PDE1C: variants seen among roughly 807,000 people sequenced by gnomAD.
PDE1C encodes the protein dual specificity calcium/calmodulin-dependent 3',5'-cyclic nucleotide phosphodiesterase 1C.
PDE1C carries 62 observed loss-of-function variants against 93.1 expected under a neutral mutation model. That is an observed-to-expected ratio of 0.67 (90% CI 0.54 to 0.82). The LOEUF is 0.82. Among genes scored for constraint, PDE1C ranks in the 40% least tolerant of loss-of-function variants. The pLI is 0.00. For synonymous variants in PDE1C, 325 were observed against 310.1 expected (o/e 1.05, Z -0.50); for missense variants, 742 against 884.6 (o/e 0.84, Z 2.04).
intron 1 of PDE1C, among the ~76,000 whole-genome samples, chr7:32,218,976 C>A (rs1430770711): frequency 6.6e-6 from 1 of 152,214 alleles, no homozygotes; most frequent in Non-Finnish European, 1.5e-5. Flanking sequence ...AGGAATCCAG[C>A]TGAGACCCAA....
chr7:31,774,898 A>G (rs1044160583), intron 17 of PDE1C, among the ~76,000 whole-genome samples: 1 of 152,078 alleles, frequency 6.6e-6, no homozygotes, highest in Admixed American at 6.5e-5. Context: ...CATTTTTTAA[A>G]TTTTCTTCAA....
exon 2 of PDE1C, chr7:32,209,505 T>G: frequency 1.3e-6 from 2 of 1,573,852 alleles, no homozygotes; most frequent in Non-Finnish European, 1.7e-6. Context: ...AGCGGGCCAG[T>G]GGTCTGGCAT....
chr7:32,003,268 T>C (rs1178870301), intron 2 of PDE1C, among the ~76,000 whole-genome samples: 1 of 152,206 alleles, frequency 6.6e-6, no homozygotes, highest in Non-Finnish European at 1.5e-5. Flanking sequence ...CATAAAGGAA[T>C]TGACAAGGGA....
At chr7:31,666,772 TCA>T in the PDE1C span, among the ~76,000 whole-genome samples, 2 of 151,990 alleles carry the variant, frequency 1.3e-5, no homozygotes, top group African/African-American at 2.4e-5. Flanking sequence ...TTGTCAATAC[TCA>T]GTTTTAAATC....
At chr7:32,088,139 G>C (rs1797233550) in intron 3 of PDE1C, among the ~76,000 whole-genome samples, 1 of 151,816 alleles carries the variant, frequency 6.6e-6, no homozygotes, top group Non-Finnish European at 1.5e-5. Context: ...CACCATTACT[G>C]TCTCGCACTG....
At chr7:32,128,922 TATATA>T (rs1799749114) in intron 3 of PDE1C, among the ~76,000 whole-genome samples, 1 of 86,436 alleles carries the variant, frequency 1.2e-5, no homozygotes, top group African/African-American at 6.1e-5. Context: ...TATATATATA[TATATA>T]TATATATATA....
At chr7:31,710,726 G>A in the PDE1C span, among the ~76,000 whole-genome samples, 3 of 152,216 alleles carry the variant, frequency 2.0e-5, no homozygotes, top group Admixed American at 6.5e-5. Flanking sequence ...GTGTGAAAGT[G>A]TTACTCAAAA....
chr7:32,115,102 TCCCATTACTGGGTATATA>T (rs1434025776), intron 3 of PDE1C, among the ~76,000 whole-genome samples: 2 of 152,268 alleles, frequency 1.3e-5, no homozygotes, highest in East Asian at 3.9e-4. Flanking sequence ...GACCCAGCAA[TCCCATTACTGGGTATATA>T]CCTAAAGGAA....
At chr7:31,817,223 T>C (rs1392869532) in intron 14 of PDE1C, among the ~76,000 whole-genome samples, 1 of 152,134 alleles carries the variant, frequency 6.6e-6, no homozygotes, top group Non-Finnish European at 1.5e-5. Context: ...GAAGGCCTCC[T>C]TGACAAGGTG....
intron 2 of PDE1C, among the ~76,000 whole-genome samples, chr7:31,916,095 G>A (rs1242458220): frequency 6.6e-6 from 1 of 152,166 alleles, no homozygotes; most frequent in Non-Finnish European, 1.5e-5. Context: ...CAGAGGAGAA[G>A]TGTGAGGGAA....
At chr7:31,938,882 C>A (rs1805437071) in intron 2 of PDE1C, among the ~76,000 whole-genome samples, 1 of 152,114 alleles carries the variant, frequency 6.6e-6, no homozygotes, top group African/African-American at 2.4e-5. Flanking sequence ...CAAATTGTAT[C>A]TTTTTAACCT....
chr7:32,085,538 G>A (rs1388029381), intron 3 of PDE1C, among the ~76,000 whole-genome samples: 3 of 148,556 alleles, frequency 2.0e-5, no homozygotes, highest in Non-Finnish European at 4.5e-5. Context: ...AAGCCAGTCA[G>A]AGACACAACC....
chr7:31,958,565 T>C (rs1808476126), intron 2 of PDE1C, among the ~76,000 whole-genome samples: 1 of 152,204 alleles, frequency 6.6e-6, no homozygotes, highest in Non-Finnish European at 1.5e-5. Context: ...AAAAACTGCC[T>C]ACCACAGTGC....
At chr7:31,825,133 A>G in intron 12 of PDE1C, 146 bp from the exon 13 acceptor site, 1 of 1,038,744 alleles carries the variant, frequency 9.6e-7, no homozygotes, top group South Asian at 1.7e-5. Flanking sequence ...CTTGATTTGA[A>G]TATTACATGT....
chr7:31,699,892 G>A, the PDE1C span, among the ~76,000 whole-genome samples: 1 of 151,828 alleles, frequency 6.6e-6, no homozygotes, highest in Admixed American at 6.6e-5. Flanking sequence ...GCCCATATAA[G>A]ACTGTTAACT....
intron 1 of PDE1C, among the ~76,000 whole-genome samples, chr7:32,228,549 C>T (rs752105806): frequency 5.3e-5 from 8 of 152,148 alleles, no homozygotes; most frequent in Non-Finnish European, 1.0e-4. Context: ...GAATTGACAC[C>T]AGAGCTGGTG....
In PDE1C at chr7:32,370,427, C is replaced by T. The variant is rs918094318; in HGVS notation, c.310+57395G>A. ...TCGCACCACGGCACTCCAGCCTGGGCGACAGAGTGAGACTCCTCTCAAAAA... is the reference window on the plus strand; with the variant it reads ...TCGCACCACGGCACTCCAGCCTGGGTGACAGAGTGAGACTCCTCTCAAAAA... On this transcript the variant is annotated intron_variant, in intron 1 of 1. Coordinates refer to the PDE1C transcript ENST00000672256. 2.9e-4 allele frequency among the ~76,000 whole-genome samples: 39 copies of T among 135,930 alleles called. 1 individual carries two copies. The highest frequency in any genetic ancestry group is 8.5e-4 in the African/African-American group (30 of 35,452). 89.2% of individuals were successfully genotyped at this position (135,930 alleles called of 152,430 possible). A position where few individuals can be genotyped will look rare whatever the true frequency, so the allele number is the denominator to read the frequency against.
At chr7:32,197,547 C>A (rs183325248) in intron 2 of PDE1C, among the ~76,000 whole-genome samples, 1 of 152,252 alleles carries the variant, frequency 6.6e-6, no homozygotes, top group African/African-American at 2.4e-5. Context: ...AGAGACAACC[C>A]AAATGTCCAT....
chr7:31,825,539 G>C (rs920257160), intron 12 of PDE1C, among the ~76,000 whole-genome samples: 1 of 152,126 alleles, frequency 6.6e-6, no homozygotes, highest in Non-Finnish European at 1.5e-5. Flanking sequence ...GACTTAGGTG[G>C]ACACTGGAGG....
Sources: allele counts gnomAD v4.1 joint callset (sites outside exome capture counted in the v4.1 genomes callset), GRCh38; gene constraint gnomAD v4.1.1; transcripts MANE v1.5; gene names NCBI Gene and HGNC (gene_info 2026-07-23, HGNC 2026-07-21).